The following RBBP6 variants were observed in gnomAD, a reference collection of about 807,000 sequenced individuals.
RBBP6 encodes E3 ubiquitin-protein ligase RBBP6.
Under a neutral mutation model 167.7 loss-of-function variants are expected in RBBP6, and 25 were observed. The observed-to-expected ratio is 0.15, with a 90% CI of 0.11 to 0.21. The LOEUF (loss-of-function observed/expected upper bound fraction) is 0.21, where lower values mean the gene tolerates loss of function less well. RBBP6 is among the 10% of genes least tolerant of loss of function. The pLI is 1.00. For missense variants in RBBP6, 1,868 were observed against 2,134.2 expected (o/e 0.88, Z 2.46); for synonymous variants, 789 against 735.8 (o/e 1.07, Z -1.17).
chr16:24,556,970 A>G (rs1270144759), intron 7 of RBBP6, among the ~76,000 whole-genome samples: 5 of 149,776 alleles, frequency 3.3e-5, no homozygotes, highest in African/African-American at 1.2e-4. Flanking sequence ...CAGATCAACT[A>G]TAGCTCTATA....
intron 14 of RBBP6, among the ~76,000 whole-genome samples, chr16:24,566,305 G>GC (rs1899193443): frequency 1.3e-5 from 2 of 152,166 alleles, no homozygotes; most frequent in Admixed American, 1.3e-4. Context: ...TAGAAACTTA[G>GC]CCAACACTGT....
intron 17 of RBBP6, 116 bp downstream of exon 17, chr16:24,570,615 GGT>G (rs1457900221): frequency 1.3e-5 from 13 of 995,214 alleles, no homozygotes; most frequent in African/African-American, 1.6e-5. Flanking sequence ...GAAGTAGGCT[GGT>G]TTTATGTAGT....
chr16:24,540,476 T>G lies in RBBP6; in HGVS notation c.-151T>G. On this transcript the variant is annotated 5_prime_UTR_variant, in exon 1 of 18. Coordinates refer to ENST00000319715, the MANE Select transcript of RBBP6 (RefSeq NM_006910.5). Reference sequence around the variant, plus strand: ...ATTATTGTTCTGACGAACCCCTGCTTGTGGTTGGGGGGTATTTAATCTGAG... The same window carrying G: ...ATTATTGTTCTGACGAACCCCTGCTGGTGGTTGGGGGGTATTTAATCTGAG... 1 of 640,642 alleles carries G rather than the reference T, an allele frequency of 1.6e-6. No individual in the cohort carries two copies. The highest frequency in any genetic ancestry group is 3.0e-5 in the East Asian group (1 of 33,824). 39.7% of individuals were successfully genotyped at this position (640,642 alleles called of 1,614,324 possible). A position where few individuals can be genotyped will look rare whatever the true frequency, so the allele number is the denominator to read the frequency against.
intron 17 of RBBP6, 130 bp from the exon 18 acceptor site, chr16:24,570,746 G>C: frequency 2.3e-6 from 2 of 884,960 alleles, no homozygotes; most frequent in Non-Finnish European, 3.2e-6. Flanking sequence ...CCTTAGGGCA[G>C]AATAAGTTTT....
intron 6 of RBBP6, 84 bp from the exon 7 acceptor site, chr16:24,556,224 A>G (rs542473877): frequency 9.7e-5 from 107 of 1,102,792 alleles, no homozygotes; most frequent in Admixed American, 1.5e-4. Flanking sequence ...TAATATAGTA[A>G]GCACTGTATA....
chr16:24,543,251 T>G (rs935235835), intron 1 of RBBP6, among the ~76,000 whole-genome samples: 9 of 152,046 alleles, frequency 5.9e-5, no homozygotes, highest in East Asian at 1.9e-4. Context: ...AAACATTTCC[T>G]TACAGTTTTG....
Position 24,572,538 on chromosome 16 carries a change from A to T in RBBP6, c.*93A>T. On this transcript the variant is annotated 3_prime_UTR_variant, in exon 18 of 18. Coordinates refer to ENST00000319715, the MANE Select transcript of RBBP6 (RefSeq NM_006910.5). ...AGATTCAAGCCTTGTAAATAATGAC[A>T]TGGAAGACCCTGTGCTGCACTTAAA... is the stretch of plus-strand genomic sequence containing the variant. The T allele has an allele frequency of 7.1e-7, 1 of 1,413,198 alleles. No individual in the cohort carries two copies. Among genetic ancestry groups the T allele is most frequent in the Non-Finnish European group, 9.3e-7 (1 of 1,077,672 alleles). 87.5% of individuals were successfully genotyped at this position (1,413,198 alleles called of 1,614,324 possible). A position where few individuals can be genotyped will look rare whatever the true frequency, so the allele number is the denominator to read the frequency against.
At chr16:24,561,153 T>C (rs28452855) in intron 8 of RBBP6, among the ~76,000 whole-genome samples, 21,261 of 152,200 alleles carry the variant, frequency 0.14, 1,680 homozygotes, top group East Asian at 0.25. Context: ...TTCTAGACTA[T>C]CTTATATTTC....
At chr16:24,547,638 T>G (rs990741613) in intron 2 of RBBP6, among the ~76,000 whole-genome samples, 1 of 152,144 alleles carries the variant, frequency 6.6e-6, no homozygotes, top group Non-Finnish European at 1.5e-5. Flanking sequence ...GGATTTTTAG[T>G]AGAGACTGGG....
chr16:24,551,653 A>G (rs143082273), intron 3 of RBBP6, among the ~76,000 whole-genome samples: 1 of 151,924 alleles, frequency 6.6e-6, no homozygotes, highest in East Asian at 1.9e-4. Flanking sequence ...AGGATACTAT[A>G]TCTTAAGTGT....
intron 1 of RBBP6, among the ~76,000 whole-genome samples, chr16:24,541,009 C>T (rs1469248260): frequency 1.3e-5 from 2 of 151,976 alleles, no homozygotes; most frequent in African/African-American, 4.8e-5. Flanking sequence ...CTGTAACAGG[C>T]TAACCCAAAA....
chr16:24,559,506 GAAGC>G lies in RBBP6; in HGVS notation c.678_681del (p.Glu226AspfsTer40). ...AAACATGAAAACTTTCTTTTACAGA[GAAGC>G]ATATGCAATTGGGAAGAAAGAGAAA... On this transcript the variant is annotated frameshift_variant and splice_region_variant, in exon 8 of 18. Transcript: ENST00000319715. LOFTEE classifies it high-confidence loss of function. 6.3e-7 allele frequency: 1 copy of G among 1,591,848 alleles called. No homozygotes were observed. The highest frequency in any genetic ancestry group is 8.5e-7 in the Non-Finnish European group (1 of 1,171,168).
intron 2 of RBBP6, 66 bp from the exon 3 acceptor site, chr16:24,548,879 A>G (rs1898729994): frequency 7.3e-7 from 1 of 1,370,302 alleles, no homozygotes; most frequent in South Asian, 1.3e-5. Context: ...ATAATGTGTT[A>G]AAATTTATTA....
intron 1 of RBBP6, among the ~76,000 whole-genome samples, chr16:24,542,193 A>G (rs772022770): frequency 1.2e-4 from 18 of 152,196 alleles, no homozygotes; most frequent in Non-Finnish European, 2.5e-4. Flanking sequence ...CAGTTGAGAA[A>G]TAGCTTTATT....
At chr16:24,563,162 A>T in intron 10 of RBBP6, 37 bp from the exon 11 acceptor site, 1 of 1,510,850 alleles carries the variant, frequency 6.6e-7, no homozygotes, top group Non-Finnish European at 9.0e-7. Flanking sequence ...TCCATTTCTG[A>T]TAATTTTTAA....
At chr16:24,546,295 A>G (rs1427516709) in intron 2 of RBBP6, 33 bp downstream of exon 2, 3 of 1,502,884 alleles carry the variant, frequency 2.0e-6, no homozygotes, top group Non-Finnish European at 2.6e-6. Flanking sequence ...TTCTCAAAAT[A>G]GACTTTTTTT....
At chr16:24,560,923 G>C (rs1899038135) in intron 8 of RBBP6, among the ~76,000 whole-genome samples, 1 of 152,078 alleles carries the variant, frequency 6.6e-6, no homozygotes, top group Non-Finnish European at 1.5e-5. Flanking sequence ...TTTATTTTTT[G>C]ACCTCTTCAG....
Position 24,567,796 on chromosome 16 carries a change from A to G in RBBP6, c.1957A>G (p.Lys653Glu). ...TCTTTAACTTTATTTTACTAGGGAAAAGAAAAAGTCCAAGCTAGATGAGTT... is the reference window on the plus strand; with the variant it reads ...TCTTTAACTTTATTTTACTAGGGAAGAGAAAAAGTCCAAGCTAGATGAGTT... ...REQRRLKEEE[K>E]KKSKLDEFTN... The change falls in exon 16 of 18, where the codon AAG (lysine) becomes GAG (glutamate). Residue 653 changes from lysine (K) to glutamate (E), a missense_variant. Lys to Glu is a moderately conservative substitution (Grantham distance 56, BLOSUM62 1). Around this residue, in one of 7 missense-constraint regions of RBBP6, gnomAD observed 145 missense variants for 224.3 expected, o/e 0.65. Coordinates refer to ENST00000319715, the MANE Select transcript of RBBP6 (RefSeq NM_006910.5). The G allele has an allele frequency of 1.9e-6, 3 of 1,604,788 alleles. No homozygotes were observed. The highest frequency in any genetic ancestry group is 2.6e-6 in the Non-Finnish European group (3 of 1,176,092).
At chr16:24,567,646 A>G (rs529967947) in intron 15 of RBBP6, 141 bp downstream of exon 15, 5 of 1,271,486 alleles carry the variant, frequency 3.9e-6, no homozygotes, top group Admixed American at 2.7e-5. Flanking sequence ...CATACAAGCA[A>G]CTTCTCAGGG....
Sources: allele counts gnomAD v4.1 joint callset (sites outside exome capture counted in the v4.1 genomes callset), GRCh38; gene constraint gnomAD v4.1.1; regional missense constraint gnomAD v4.1.1; transcripts MANE v1.5; gene names NCBI Gene and HGNC (gene_info 2026-07-23, HGNC 2026-07-21).